Variants in AUTS2 observed in about 807,000 individuals in gnomAD.
AUTS2 encodes the protein activator of transcription and developmental regulator AUTS2, also known as autism susceptibility gene 2 protein.
AUTS2 carries 17 observed loss-of-function variants against 112.4 expected under a neutral mutation model. That is an observed-to-expected ratio of 0.15 (90% CI 0.10 to 0.23). The LOEUF is 0.23. Among genes scored for constraint, AUTS2 ranks in the 10% least tolerant of loss-of-function variants. AUTS2 has a pLI of 1.00. For synonymous variants in AUTS2, 751 were observed against 702.7 expected, an observed-to-expected ratio of 1.07 and a Z score of -1.09; for missense variants, 1,510 against 1,701.6, an observed-to-expected ratio of 0.89 and a Z score of 1.98.
intron 2 of AUTS2, among the ~76,000 whole-genome samples, chr7:69,939,078 A>T (rs1217368235): frequency 6.6e-6 from 1 of 152,202 alleles, no homozygotes; most frequent in East Asian, 1.9e-4. Flanking sequence ...CAGCAAGTGA[A>T]ACTTAAATAC....
chr7:70,570,592 T>G (rs1425660081), intron 5 of AUTS2, among the ~76,000 whole-genome samples: 2 of 152,130 alleles, frequency 1.3e-5, no homozygotes, highest in Non-Finnish European at 2.9e-5. Context: ...ATGCCTTCAC[T>G]CCCACTGAAC....
chr7:70,638,133 C>A (rs1409162301), intron 5 of AUTS2, among the ~76,000 whole-genome samples: 1 of 152,164 alleles, frequency 6.6e-6, no homozygotes, highest in Non-Finnish European at 1.5e-5. Context: ...GCCAGACTTT[C>A]ATTACCGAAA....
intron 5 of AUTS2, among the ~76,000 whole-genome samples, chr7:70,663,878 C>T (rs1235722462): frequency 6.6e-6 from 1 of 152,176 alleles, no homozygotes; most frequent in Non-Finnish European, 1.5e-5. Flanking sequence ...ACCATAATCA[C>T]TACCACATCT....
At chr7:70,701,160 A>G (rs1809435433) in intron 6 of AUTS2, among the ~76,000 whole-genome samples, 1 of 152,214 alleles carries the variant, frequency 6.6e-6, no homozygotes, top group Non-Finnish European at 1.5e-5. Context: ...TGGTGAGATT[A>G]TGCTGCTGAG....
intron 5 of AUTS2, among the ~76,000 whole-genome samples, chr7:70,608,404 C>T (rs1803896006): frequency 6.6e-6 from 1 of 152,132 alleles, no homozygotes; most frequent in Non-Finnish European, 1.5e-5. Context: ...TGCATCCAGC[C>T]CAATCTTTGA....
At chr7:70,050,354 T>G (rs1198648544) in intron 2 of AUTS2, among the ~76,000 whole-genome samples, 1 of 4,766 alleles carries the variant, frequency 2.1e-4, no homozygotes, top group African/African-American at 7.2e-4. Flanking sequence ...AGACTCTGTC[T>G]CAAAAAAAAA....
At chr7:69,644,955 C>CT (rs2129124715) in intron 1 of AUTS2, among the ~76,000 whole-genome samples, 1 of 152,196 alleles carries the variant, frequency 6.6e-6, no homozygotes, top group Non-Finnish European at 1.5e-5. Flanking sequence ...TGTGCCCAGA[C>CT]TGGAGTGCAG....
chr7:69,613,453 A>G (rs1793151376), intron 1 of AUTS2, among the ~76,000 whole-genome samples: 1 of 152,136 alleles, frequency 6.6e-6, no homozygotes, highest in African/African-American at 2.4e-5. Flanking sequence ...ATAAAATCTG[A>G]CCTTTTCCCG....
At chr7:69,717,397 G>C (rs1798668180) in intron 1 of AUTS2, among the ~76,000 whole-genome samples, 1 of 152,224 alleles carries the variant, frequency 6.6e-6, no homozygotes, top group Non-Finnish European at 1.5e-5. Context: ...ATTAGAGAGT[G>C]TGAGAGTTGG....
At chr7:70,696,023 A>T (rs899658937) in intron 5 of AUTS2, among the ~76,000 whole-genome samples, 1 of 149,898 alleles carries the variant, frequency 6.7e-6, no homozygotes, top group East Asian at 2.2e-4. Flanking sequence ...TTGAATAATA[A>T]TTTTTTTTAA....
intron 4 of AUTS2, chr7:70,194,551 G>C (rs1810072626): frequency 6.6e-6 from 1 of 152,238 alleles, no homozygotes. Flanking sequence ...CAGAGTTAGA[G>C]TGGTCACATT....
rs528009205 is a variant in AUTS2, at chr7:70,108,783, C to CAAAAAAAAAAA, written c.523-9328_523-9318dup. On this transcript the variant is annotated intron_variant, in intron 2 of 18. Transcript: ENST00000342771. ...TTCCAGACCAGCCTGGCCAACATGG[C>CAAAAAAAAAAA]AAAAAAAAAAAAAAAAAAAAAAAAA... Among the ~76,000 whole-genome samples the CAAAAAAAAAAA allele has an allele frequency of 4.3e-4, 30 of 69,182 alleles. 2 individuals carry two copies. The highest frequency in any genetic ancestry group is 1.6e-3 in the African/African-American group (30 of 18,540). The allele number at this position is 69,182 out of a possible 152,430, so 45.4% of individuals were successfully genotyped here.
intron 1 of AUTS2, among the ~76,000 whole-genome samples, chr7:69,871,157 C>T (rs1415047385): frequency 5.9e-5 from 9 of 152,292 alleles, no homozygotes; most frequent in South Asian, 2.1e-4. Context: ...CTTTCCCTTT[C>T]CTCCTGTGTC....
intron 6 of AUTS2, 103 bp downstream of exon 6, chr7:70,698,723 T>C (rs1809278459): frequency 5.3e-6 from 5 of 941,784 alleles, no homozygotes; most frequent in Admixed American, 2.6e-5. Context: ...CTCTTATAAT[T>C]CTGAAGCTAC....
intron 6 of AUTS2, among the ~76,000 whole-genome samples, chr7:70,758,629 C>T (rs1789371735): frequency 6.6e-6 from 1 of 152,156 alleles, no homozygotes; most frequent in Non-Finnish European, 1.5e-5. Context: ...TTTTAAACCC[C>T]AAAATGTAAT....
At chr7:70,575,191 G>A (rs1802108142) in intron 5 of AUTS2, among the ~76,000 whole-genome samples, 1 of 152,218 alleles carries the variant, frequency 6.6e-6, no homozygotes, top group African/African-American at 2.4e-5. Flanking sequence ...GTTCACTGCA[G>A]TTTTAATTAA....
At chr7:70,637,090 C>G (rs1805572719) in intron 5 of AUTS2, among the ~76,000 whole-genome samples, 1 of 152,182 alleles carries the variant, frequency 6.6e-6, no homozygotes, top group Non-Finnish European at 1.5e-5. Flanking sequence ...CAAGATAAAA[C>G]TGAGGCTCAG....
At chr7:70,307,678 C>T (rs768256833) in intron 4 of AUTS2, among the ~76,000 whole-genome samples, 3 of 152,126 alleles carry the variant, frequency 2.0e-5, no homozygotes, top group Admixed American at 6.5e-5. Context: ...TGAAATCACA[C>T]GAAAGGAGAG....
In AUTS2 at chr7:70,774,176, G is replaced by A. The variant is rs569711101; in HGVS notation, c.1902+77G>A. 149 of 1,352,636 alleles carry A rather than the reference G, an allele frequency of 1.1e-4. No individual in the cohort carries two copies. In the Admixed American group the frequency reaches 1.3e-3, roughly 12 times the overall value. The allele number at this position is 1,352,636 out of a possible 1,614,324, so 83.8% of individuals were successfully genotyped here. A position where few individuals can be genotyped will look rare whatever the true frequency, so the allele number is the denominator to read the frequency against. On this transcript the variant is annotated intron_variant, in intron 12 of 18. Coordinates refer to ENST00000342771, the MANE Select transcript of AUTS2 (RefSeq NM_015570.4). ...GCACGGGACGGCCAGCCCAGTGCTCGCATCTTCCTTAGCTCCTTTGAGCGA... is the reference window on the plus strand; with the variant it reads ...GCACGGGACGGCCAGCCCAGTGCTCACATCTTCCTTAGCTCCTTTGAGCGA...
Sources: allele counts gnomAD v4.1 joint callset (sites outside exome capture counted in the v4.1 genomes callset), GRCh38; gene constraint gnomAD v4.1.1; transcripts MANE v1.5; gene names NCBI Gene and HGNC (gene_info 2026-07-23, HGNC 2026-07-21).